Variants in STRN3 observed in about 807,000 individuals in gnomAD.
The protein encoded by STRN3 is striatin-3.
Under a neutral mutation model 95.6 loss-of-function variants are expected in STRN3, and 29 were observed. That is an observed-to-expected ratio of 0.30 (90% confidence interval 0.23 to 0.41). STRN3 has a LOEUF of 0.41. Ranked by LOEUF, STRN3 falls within the 10% of genes least tolerant of loss-of-function variation. The probability of loss-of-function intolerance (pLI) is 1.00; values close to 1 mark genes in which losing one functional copy is unlikely to be tolerated. For missense variants in STRN3, 890 were observed against 972.1 expected (o/e 0.92, Z 1.12); for synonymous variants, 331 against 357.6 (o/e 0.93, Z 0.84).
At position 30,925,863 on chromosome 14, in the gene STRN3, C is replaced by G. The variant is rs148684028; in HGVS notation, c.1099+3338G>C. Among the ~76,000 whole-genome samples the G allele has an allele frequency of 1.4e-4, 21 of 152,028 alleles. 1 individual carries two copies. In the East Asian group the frequency reaches 4.0e-3, roughly 29 times the overall value. The stretch of plus-strand genomic sequence containing the variant: ...AAAAGGCTACAGATAATGAATTATT[C>G]TAACTTGTACAAAGCTACGTAAGGA... On this transcript the variant is annotated intron_variant, in intron 8 of 17. Coordinates refer to ENST00000357479, the MANE Select transcript of STRN3 (RefSeq NM_001083893.2).
intron 16 of STRN3, among the ~76,000 whole-genome samples, chr14:30,901,124 G>A (rs959998748): frequency 6.6e-6 from 1 of 152,068 alleles, no homozygotes; most frequent in Non-Finnish European, 1.5e-5. Context: ...ATAGTTCAAA[G>A]GATTGATTTG....
chr14:30,977,977 T>G (rs933427278), intron 1 of STRN3, among the ~76,000 whole-genome samples: 1 of 152,054 alleles, frequency 6.6e-6, no homozygotes, highest in Non-Finnish European at 1.5e-5. Context: ...ATAAATGACG[T>G]GAATGGATCC....
intron 15 of STRN3, among the ~76,000 whole-genome samples, chr14:30,904,221 C>G (rs1442141163): frequency 6.6e-6 from 1 of 152,078 alleles, no homozygotes; most frequent in Non-Finnish European, 1.5e-5. Flanking sequence ...CCTAGAAGAT[C>G]TTGTCATATG....
chr14:30,909,207 A>T (rs1247433859), intron 13 of STRN3, among the ~76,000 whole-genome samples: 7 of 152,260 alleles, frequency 4.6e-5, no homozygotes. Flanking sequence ...ATTTTTTTTT[A>T]GAGATGGGGT....
At chr14:30,920,072 C>T (rs1422964928) in intron 8 of STRN3, among the ~76,000 whole-genome samples, 3 of 151,922 alleles carry the variant, frequency 2.0e-5, no homozygotes, top group South Asian at 2.1e-4. Context: ...TGGAAGAATC[C>T]GACTGCTATA....
intron 1 of STRN3, among the ~76,000 whole-genome samples, chr14:31,016,142 T>C (rs960993612): frequency 1.3e-5 from 2 of 152,240 alleles, no homozygotes; most frequent in African/African-American, 2.4e-5. Context: ...TGGAAGATCA[T>C]GTGGCAGTTT....
intron 1 of STRN3, 33 bp downstream of exon 1, chr14:31,025,871 C>G: frequency 6.3e-7 from 1 of 1,583,020 alleles, no homozygotes; most frequent in South Asian, 1.1e-5. Context: ...ACCCAGCCGC[C>G]GCAGCTCCCG....
chr14:30,970,941 G>A (rs1880796284), intron 1 of STRN3, among the ~76,000 whole-genome samples: 1 of 152,198 alleles, frequency 6.6e-6, no homozygotes, highest in East Asian at 1.9e-4. Context: ...TCTTTGCCAG[G>A]ATTCTACAGC....
chr14:30,950,736 CA>C, intron 4 of STRN3, 126 bp downstream of exon 4: 23 of 835,514 alleles, frequency 2.8e-5, no homozygotes, highest in African/African-American at 3.4e-5. Flanking sequence ...ATCTACACAG[CA>C]AAAAAAGCAG....
intron 13 of STRN3, among the ~76,000 whole-genome samples, chr14:30,910,753 T>G (rs1448414377): frequency 6.6e-6 from 1 of 152,052 alleles, no homozygotes; most frequent in Non-Finnish European, 1.5e-5. Flanking sequence ...AAAATTTTGT[T>G]ACTTAGATTA....
intron 16 of STRN3, among the ~76,000 whole-genome samples, chr14:30,901,360 A>C (rs1344370071): frequency 2.6e-5 from 4 of 152,188 alleles, no homozygotes; most frequent in Admixed American, 2.0e-4. Context: ...TAGACCTGTA[A>C]ATATTCACTT....
intron 1 of STRN3, among the ~76,000 whole-genome samples, chr14:30,974,591 C>A: frequency 8.1e-6 from 1 of 123,370 alleles, no homozygotes; most frequent in African/African-American, 3.2e-5. Flanking sequence ...TCAAGGAACC[C>A]CAAATAGCAT....
At chr14:30,926,614 T>C (rs904805319) in intron 8 of STRN3, among the ~76,000 whole-genome samples, 2 of 151,904 alleles carry the variant, frequency 1.3e-5, no homozygotes, top group Admixed American at 6.6e-5. Flanking sequence ...CTGAATCTTA[T>C]ATTACTTCTT....
chr14:30,930,286 T>C (rs113932162), intron 7 of STRN3, among the ~76,000 whole-genome samples: 2 of 152,120 alleles, frequency 1.3e-5, no homozygotes, highest in Non-Finnish European at 2.9e-5. Context: ...TAAGGAAGTT[T>C]AACACTCTGA....
At chr14:30,968,622 C>A (rs1312377008) in intron 1 of STRN3, among the ~76,000 whole-genome samples, 2 of 148,014 alleles carry the variant, frequency 1.4e-5, no homozygotes, top group Admixed American at 1.4e-4. Flanking sequence ...AGAGTTGCAG[C>A]GAGCCAAGAA....
rs1878829956 is a variant in STRN3, at chr14:30,936,575, C to A, written c.766G>T (p.Asp256Tyr). 1 of 1,613,668 alleles carries A rather than the reference C, an allele frequency of 6.2e-7. No homozygotes were observed. Among genetic ancestry groups the A allele is most frequent in the Admixed American group, 1.7e-5 (1 of 59,976 alleles). Residue 256 changes from aspartate to tyrosine, a missense_variant, in exon 6 of 18, where the codon GAC (aspartate) becomes TAC (tyrosine). By Grantham distance (160) the Asp-to-Tyr change is radical (BLOSUM62 -3). Transcript: ENST00000357479. ...ETFNFLENADDSDEDEENDMI... is the reference protein window; with the variant it reads ...ETFNFLENADYSDEDEENDMI... Reference sequence around the variant, plus strand: ...TCATTTTCCTCATCTTCATCACTGTCATCGGCATTTTCTAAGAAATTGAAC... The same window carrying A: ...TCATTTTCCTCATCTTCATCACTGTAATCGGCATTTTCTAAGAAATTGAAC...
At chr14:30,933,799 T>G (rs560203829) in intron 7 of STRN3, among the ~76,000 whole-genome samples, 1 of 152,230 alleles carries the variant, frequency 6.6e-6, no homozygotes, top group East Asian at 1.9e-4. Flanking sequence ...AATAAGAAAA[T>G]TGGTGGCAAA....
chr14:30,934,572 T>C (rs1878724013), intron 7 of STRN3, among the ~76,000 whole-genome samples: 1 of 152,208 alleles, frequency 6.6e-6, no homozygotes, highest in Non-Finnish European at 1.5e-5. Flanking sequence ...GAATTATTAT[T>C]AGCACAATGT....
At chr14:30,933,280 T>TGA (rs1555317709) in intron 7 of STRN3, among the ~76,000 whole-genome samples, 1 of 22,778 alleles carries the variant, frequency 4.4e-5, no homozygotes, top group Admixed American at 8.2e-4. Context: ...CCCTGTTTCA[T>TGA]AAAAAAAAAA....
Sources: allele counts gnomAD v4.1 joint callset (sites outside exome capture counted in the v4.1 genomes callset), GRCh38; gene constraint gnomAD v4.1.1; transcripts MANE v1.5; gene names NCBI Gene and HGNC (gene_info 2026-07-23, HGNC 2026-07-21).